STK3: variants seen among roughly 807,000 people sequenced by gnomAD.
STK3 encodes serine/threonine kinase 3.
A neutral mutation model predicts 58.0 loss-of-function variants in STK3; 41 were observed. The observed-to-expected ratio is 0.71, with a 90% CI of 0.55 to 0.92. The LOEUF (loss-of-function observed/expected upper bound fraction) is 0.92, where lower values mean the gene tolerates loss of function less well. Ranked by LOEUF, STK3 falls within the 40% of genes least tolerant of loss-of-function variation. The pLI, the probability that STK3 is intolerant of heterozygous loss-of-function variation, is 0.00. For missense variants in STK3, 479 were observed against 602.7 expected (o/e 0.79, Z 2.15); for synonymous variants, 170 against 191.0 (o/e 0.89, Z 0.91).
At chr8:98,907,035 G>A (rs1366206885) in intron 1 of STK3, among the ~76,000 whole-genome samples, 2 of 149,986 alleles carry the variant, frequency 1.3e-5, no homozygotes, top group African/African-American at 5.0e-5. Flanking sequence ...GTATGCACCT[G>A]TAGTCCCAGC....
upstream of STK3, among the ~76,000 whole-genome samples, chr8:98,392,330 A>G (rs1447518505): frequency 6.6e-6 from 1 of 152,050 alleles, no homozygotes; most frequent in Non-Finnish European, 1.5e-5. Context: ...CTGCTTCTAC[A>G]CCTCTTTCCA....
intron 1 of STK3, among the ~76,000 whole-genome samples, chr8:98,387,508 G>A (rs912752469): frequency 1.4e-4 from 22 of 152,188 alleles, no homozygotes; most frequent in African/African-American, 5.3e-4. Context: ...CAGCACTTCG[G>A]GAGACCAAGG....
At chr8:98,407,318 T>C (rs965678722) in intron 3 of STK3, among the ~76,000 whole-genome samples, 3 of 152,154 alleles carry the variant, frequency 2.0e-5, no homozygotes, top group African/African-American at 7.2e-5. Context: ...AAGCTGAACT[T>C]GCTAAGAGAG....
At chr8:98,509,207 T>C (rs1563681965) in intron 10 of STK3, among the ~76,000 whole-genome samples, 1 of 152,094 alleles carries the variant, frequency 6.6e-6, no homozygotes, top group Non-Finnish European at 1.5e-5. Context: ...CAGAATTAAA[T>C]GGCAGTTTCT....
At chr8:98,914,076 G>A (rs1839250914) in intron 1 of STK3, among the ~76,000 whole-genome samples, 1 of 151,366 alleles carries the variant, frequency 6.6e-6, no homozygotes, top group Admixed American at 6.6e-5. Context: ...ACAAAAACCC[G>A]AGTTTATCAC....
At chr8:98,782,551 G>A in intron 1 of STK3, 1 of 321,542 alleles carries the variant, frequency 3.1e-6, no homozygotes, top group Non-Finnish European at 6.3e-6. Context: ...AAGCATGCAA[G>A]TACCATGAAG....
intron 6 of STK3, among the ~76,000 whole-genome samples, chr8:98,605,036 G>A (rs537235908): frequency 2.6e-5 from 4 of 152,040 alleles, no homozygotes; most frequent in Non-Finnish European, 5.9e-5. Flanking sequence ...ATCTCCATCC[G>A]AGACCTCATC....
At chr8:98,560,291 C>T (rs1162517518) in intron 8 of STK3, among the ~76,000 whole-genome samples, 1 of 152,038 alleles carries the variant, frequency 6.6e-6, no homozygotes, top group Non-Finnish European at 1.5e-5. Flanking sequence ...CAGATGACAT[C>T]ATTGTCTGTG....
upstream of STK3, among the ~76,000 whole-genome samples, chr8:98,390,210 C>T (rs1817835557): frequency 6.6e-6 from 1 of 152,220 alleles, no homozygotes; most frequent in Non-Finnish European, 1.5e-5. Context: ...AGCATGTCCA[C>T]TGGCAACAAA....
At chr8:98,617,136 C>A (rs1817809425) in intron 6 of STK3, among the ~76,000 whole-genome samples, 1 of 151,874 alleles carries the variant, frequency 6.6e-6, no homozygotes, top group Non-Finnish European at 1.5e-5. Context: ...TGCAATCAAA[C>A]TAGAATTCAA....
rs982162192 is a variant in STK3 at position 98,654,746 on chromosome 8, A to T, written c.684+51721T>A. ...ACTCCCATTCACAATTGCTTCAAAG[A>T]GAATAAAATACCTAGGAATCCAAAT... is the stretch of plus-strand genomic sequence containing the variant. On this transcript the variant is annotated intron_variant, in intron 6 of 10. Transcript: ENST00000419617. Among the ~76,000 whole-genome samples the T allele has an allele frequency of 1.4e-4, 21 of 152,324 alleles. 1 individual carries two copies. The highest frequency in any genetic ancestry group is 1.2e-3 in the Admixed American group (18 of 15,302).
intron 4 of STK3, among the ~76,000 whole-genome samples, chr8:98,733,310 C>A (rs976735608): frequency 5.3e-5 from 8 of 152,216 alleles, no homozygotes; most frequent in African/African-American, 1.9e-4. Flanking sequence ...GGTACTGGTC[C>A]ATGGCCCGTT....
At chr8:98,736,175 C>T (rs1351348067) in intron 4 of STK3, among the ~76,000 whole-genome samples, 1 of 152,074 alleles carries the variant, frequency 6.6e-6, no homozygotes, top group Non-Finnish European at 1.5e-5. Flanking sequence ...ATGCAATAAA[C>T]ACCCAATTAA....
chr8:98,399,492 T>C (rs548068108), downstream of STK3, among the ~76,000 whole-genome samples: 39 of 152,322 alleles, frequency 2.6e-4, no homozygotes, highest in Non-Finnish European at 4.7e-4. Flanking sequence ...AGGGGAGATA[T>C]TGACAGTGGG....
At chr8:98,941,267 G>C (rs1053000543) in intron 1 of STK3, among the ~76,000 whole-genome samples, 1 of 152,236 alleles carries the variant, frequency 6.6e-6, no homozygotes, top group African/African-American at 2.4e-5. Flanking sequence ...CCGCACCCTC[G>C]ACTCGGCCTA....
chr8:98,936,723 A>G (rs1840212468), intron 1 of STK3, among the ~76,000 whole-genome samples: 1 of 152,308 alleles, frequency 6.6e-6, no homozygotes, highest in Admixed American at 6.5e-5. Flanking sequence ...TGTGTGCCTC[A>G]TGGCCTGGGA....
At chr8:98,565,503 G>A (rs1301879481) in intron 8 of STK3, among the ~76,000 whole-genome samples, 1 of 149,934 alleles carries the variant, frequency 6.7e-6, no homozygotes, top group Non-Finnish European at 1.5e-5. Context: ...TTTCTTTTCA[G>A]AGTATTTTTA....
At chr8:98,375,270 A>C (rs1010073293) in intron 2 of STK3, among the ~76,000 whole-genome samples, 6 of 61,962 alleles carry the variant, frequency 9.7e-5, no homozygotes. Context: ...CAAAAAAAAA[A>C]CAAAAAAAAA....
intron 1 of STK3, among the ~76,000 whole-genome samples, chr8:98,448,611 C>T (rs1819058393): frequency 6.6e-6 from 1 of 152,164 alleles, no homozygotes; most frequent in Non-Finnish European, 1.5e-5. Flanking sequence ...TTCCACTCAA[C>T]TAATTACAGT....
Sources: allele counts gnomAD v4.1 joint callset (sites outside exome capture counted in the v4.1 genomes callset), GRCh38; gene constraint gnomAD v4.1.1; transcripts MANE v1.5; gene names NCBI Gene and HGNC (gene_info 2026-07-23, HGNC 2026-07-21).